Variants in COL11A1 observed in about 807,000 individuals in gnomAD.
The protein encoded by COL11A1 is collagen type XI alpha 1 chain, also known as collagen alpha-1(XI) chain.
COL11A1 carries 74 observed loss-of-function variants against 265.2 expected under a neutral mutation model. That is an observed-to-expected ratio of 0.28 (90% CI 0.23 to 0.34). The LOEUF (loss-of-function observed/expected upper bound fraction) is 0.34, where lower values mean the gene tolerates loss of function less well. COL11A1 is among the 10% of genes least tolerant of loss of function. The probability of loss-of-function intolerance (pLI) is 1.00; values close to 1 mark genes in which losing one functional copy is unlikely to be tolerated. For synonymous variants in COL11A1, 816 were observed against 727.6 expected, an observed-to-expected ratio of 1.12 and a Z score of -1.96; for missense variants, 2,165 against 2,263.6, an observed-to-expected ratio of 0.96 and a Z score of 0.88.
chr1:102,885,742 T>A (rs1238250728), intron 63 of COL11A1, among the ~76,000 whole-genome samples: 1 of 152,124 alleles, frequency 6.6e-6, no homozygotes, highest in Non-Finnish European at 1.5e-5. Flanking sequence ...ATTATCTAAA[T>A]CATCTACATC....
At chr1:103,029,564 A>G (rs1257423284) in intron 5 of COL11A1, among the ~76,000 whole-genome samples, 1 of 152,040 alleles carries the variant, frequency 6.6e-6, no homozygotes, top group Non-Finnish European at 1.5e-5. Context: ...TCTTAAAGAA[A>G]AAACTTTTTC....
At chr1:102,883,157 A>C in intron 64 of COL11A1, 42 bp downstream of exon 64, 1 of 1,275,302 alleles carries the variant, frequency 7.8e-7, no homozygotes, top group Non-Finnish European at 1.1e-6. Flanking sequence ...AAAACATGGC[A>C]GGAACTGTCA....
chr1:102,886,694 T>C, intron 63 of COL11A1, 113 bp downstream of exon 63: 3 of 1,419,892 alleles, frequency 2.1e-6, no homozygotes. Context: ...TAATAACTGT[T>C]TCATTTTATT....
chr1:102,917,950 GT>G (rs1655540115), intron 49 of COL11A1, among the ~76,000 whole-genome samples: 1 of 151,544 alleles, frequency 6.6e-6, no homozygotes, highest in Non-Finnish European at 1.5e-5. Context: ...TGTGCACAAT[GT>G]AAAATGACAA....
intron 54 of COL11A1, 107 bp from the exon 55 acceptor site, chr1:102,899,101 G>A (rs1022704202): frequency 1.1e-5 from 6 of 525,798 alleles, no homozygotes; most frequent in Non-Finnish European, 1.9e-5. Context: ...TGAATAAATT[G>A]TAGTTTTCTA....
At position 102,877,513 on chromosome 1, in the gene COL11A1, T is replaced by C. The variant is rs1649640423; in HGVS notation, c.*506A>G. 1 of 152,894 alleles carries C rather than the reference T, an allele frequency of 6.5e-6. No individual in the cohort carries two copies. The highest frequency in any genetic ancestry group is 6.6e-5 in the Admixed American group (1 of 15,260). The allele number at this position is 152,894 out of a possible 1,614,324, so 9.5% of individuals were successfully genotyped here. A position where few individuals can be genotyped will look rare whatever the true frequency, so the allele number is the denominator to read the frequency against. Reference sequence around the variant, plus strand: ...CAGAAATTACAACTTTATTTTTTCATAATACATATATTTATTGCCATCAGA... The same window carrying C: ...CAGAAATTACAACTTTATTTTTTCACAATACATATATTTATTGCCATCAGA... On this transcript the variant is annotated 3_prime_UTR_variant, in exon 67 of 67. Transcript: ENST00000370096.
chr1:103,006,405 A>C, intron 15 of COL11A1, 90 bp from the exon 16 acceptor site: 1 of 925,046 alleles, frequency 1.1e-6, no homozygotes, highest in Non-Finnish European at 1.6e-6. Flanking sequence ...AGAAACTAAT[A>C]TCCTCTTAGC....
At chr1:102,932,701 C>T (rs975882079) in intron 46 of COL11A1, among the ~76,000 whole-genome samples, 3 of 151,702 alleles carry the variant, frequency 2.0e-5, no homozygotes, top group Non-Finnish European at 4.4e-5. Context: ...CAACTTGGTT[C>T]CATTCTCCCT....
At position 102,981,249 on chromosome 1, in the gene COL11A1, C is replaced by A. The variant is rs139705938; in HGVS notation, c.2557-1814G>T. 6.6e-5 allele frequency among the ~76,000 whole-genome samples: 10 copies of A among 152,240 alleles called. No homozygotes were observed. In the East Asian group the frequency reaches 1.9e-3, roughly 29 times the overall value. ...ATATTCACGTACTGGGGAAAAAAAT[C>A]TCTGCACATTACATTTTGAAGAGCT... is the stretch of plus-strand genomic sequence containing the variant. On this transcript the variant is annotated intron_variant, in intron 31 of 66. Transcript: ENST00000370096.
intron 46 of COL11A1, among the ~76,000 whole-genome samples, chr1:102,927,366 C>T (rs997742067): frequency 6.6e-6 from 1 of 152,082 alleles, no homozygotes; most frequent in African/African-American, 2.4e-5. Context: ...AAGAAAAAAG[C>T]TCAACGTTTC....
intron 29 of COL11A1, among the ~76,000 whole-genome samples, chr1:102,989,203 GATCTAA>G (rs1663873112): frequency 6.6e-6 from 1 of 151,726 alleles, no homozygotes; most frequent in African/African-American, 2.4e-5. Context: ...CTAGTAATTT[GATCTAA>G]CTTTCTAATG....
At position 103,078,828 on chromosome 1, in the gene COL11A1, T is replaced by C. The variant is rs150668398; in HGVS notation, c.318A>G (p.Lys106=). 332 of 1,611,844 alleles carry C rather than the reference T, an allele frequency of 2.1e-4. No homozygotes were observed. Among genetic ancestry groups the C allele is most frequent in the Non-Finnish European group, 2.7e-4 (313 of 1,178,560 alleles). The change falls in exon 3 of 67, where the codon AAA becomes AAG. Residue 106 remains lysine (K), a synonymous_variant. Coordinates refer to ENST00000370096, the MANE Select transcript of COL11A1 (RefSeq NM_001854.4). Reference sequence around the variant, plus strand: ...GGAAAGACTGAATTCCTTTTTTTGGTTTTACTGTAAATAGTATTGAAAAGT... The same window carrying C: ...GGAAAGACTGAATTCCTTTTTTTGGCTTTACTGTAAATAGTATTGAAAAGT... ...PEDFSILFTV[K]PKKGIQSFLL... is the part of the protein sequence containing the mutation.
intron 49 of COL11A1, among the ~76,000 whole-genome samples, chr1:102,916,277 T>C (rs1253509661): frequency 6.6e-6 from 1 of 152,182 alleles, no homozygotes; most frequent in African/African-American, 2.4e-5. Context: ...TCTCCCTGTT[T>C]ACATATGAAT....
At chr1:103,050,232 G>T (rs1571154963) in intron 4 of COL11A1, among the ~76,000 whole-genome samples, 1 of 152,158 alleles carries the variant, frequency 6.6e-6, no homozygotes, top group Non-Finnish European at 1.5e-5. Flanking sequence ...TCACTTTCAG[G>T]TACACCAGTC....
chr1:102,966,122 T>G (rs1296880518), intron 37 of COL11A1, among the ~76,000 whole-genome samples: 1 of 152,206 alleles, frequency 6.6e-6, no homozygotes, highest in Non-Finnish European at 1.5e-5. Context: ...TAAAATATCA[T>G]CTGGTTGATT....
Position 102,915,697 on chromosome 1 carries a change from G to C in COL11A1, c.3763-13C>G. The C allele has an allele frequency of 6.3e-7, 1 of 1,593,626 alleles. No homozygotes were observed. The highest frequency in any genetic ancestry group is 1.1e-5 in the South Asian group (1 of 90,318). ...CTCCAGGTTCACCCTATATAGAGAA[G>C]ATCAAATTAGTATTAGAATACAGAG... On this transcript the variant is annotated splice_polypyrimidine_tract_variant and intron_variant, in intron 49 of 66. Coordinates refer to ENST00000370096, the MANE Select transcript of COL11A1 (RefSeq NM_001854.4).
chr1:102,915,051 C>T (rs1470098902), intron 50 of COL11A1, among the ~76,000 whole-genome samples: 2 of 152,042 alleles, frequency 1.3e-5, no homozygotes, highest in African/African-American at 2.4e-5. Context: ...ACTACAGGCA[C>T]GCGCCACCAG....
chr1:102,944,348 G>A (rs66473612), intron 42 of COL11A1, among the ~76,000 whole-genome samples: 1 of 152,000 alleles, frequency 6.6e-6, no homozygotes, highest in African/African-American at 2.4e-5. Context: ...CCCACTTTAT[G>A]TTACTGTCCC....
At chr1:102,896,615 C>T (rs189223664) in intron 57 of COL11A1, among the ~76,000 whole-genome samples, 1 of 152,166 alleles carries the variant, frequency 6.6e-6, no homozygotes, top group Non-Finnish European at 1.5e-5. Context: ...TTTATCATTC[C>T]GCTTTACCTA....
Sources: gnomAD v4.1 joint callset for allele counts (sites outside exome capture counted in the v4.1 genomes callset) on GRCh38, gnomAD v4.1.1 for gene constraint, MANE v1.5 for transcripts, NCBI Gene and HGNC (gene_info 2026-07-23, HGNC 2026-07-21) for gene names.